TTC34: variants seen among roughly 807,000 people sequenced by gnomAD.
The protein encoded by TTC34 is tetratricopeptide repeat domain 34.
Under a neutral mutation model 40.7 loss-of-function variants are expected in TTC34, and 44 were observed. The observed-to-expected ratio is 1.08, with a 90% CI of 0.85 to 1.39. The LOEUF (loss-of-function observed/expected upper bound fraction) is 1.39, where lower values mean the gene tolerates loss of function less well. Ranked by LOEUF, TTC34 falls within the 40% of genes most tolerant of loss-of-function variation. TTC34 has a pLI of 0.00. For synonymous variants in TTC34, 422 were observed against 398.6 expected, an observed-to-expected ratio of 1.06 and a Z score of -0.70; for missense variants, 884 against 838.0, an observed-to-expected ratio of 1.05 and a Z score of -0.68.
rs571733146 is a variant in TTC34, at chr1:2,691,002, C to G, written c.2227-45439G>C. ...ACACCCCTAGGAGAGCATCCGGCAG[C>G]CTGGAGCGGAACCCACACCAACAGG... On this transcript the variant is annotated intron_variant, in intron 6 of 8. Transcript: ENST00000401095. Among the ~76,000 whole-genome samples, 3 of 80,698 alleles carry G rather than the reference C, an allele frequency of 3.7e-5. 1 individual carries two copies. 52.9% of individuals were successfully genotyped at this position (80,698 alleles called of 152,430 possible). A position where few individuals can be genotyped will look rare whatever the true frequency, so the allele number is the denominator to read the frequency against.
At chr1:2,794,633 C>T (rs192874020) in intron 2 of TTC34, among the ~76,000 whole-genome samples, 154 of 152,270 alleles carry the variant, frequency 1.0e-3, no homozygotes, top group Non-Finnish European at 2.0e-3. Flanking sequence ...GGATCTCTAG[C>T]ACAATGATGA....
At chr1:2,759,630 C>G (rs1641625952) in intron 6 of TTC34, among the ~76,000 whole-genome samples, 60 of 151,728 alleles carry the variant, frequency 4.0e-4, no homozygotes, top group African/African-American at 1.4e-3. Context: ...CCTGGAACAG[C>G]ACCCACACCC....
intron 6 of TTC34, among the ~76,000 whole-genome samples, chr1:2,677,034 G>A (rs1639931295): frequency 9.2e-6 from 1 of 109,130 alleles, no homozygotes; most frequent in Non-Finnish European, 2.1e-5. Context: ...CCGATAACCT[G>A]GAGCAGCACC....
At chr1:2,747,988 C>T (rs1641207019) in intron 6 of TTC34, among the ~76,000 whole-genome samples, 2 of 62,976 alleles carry the variant, frequency 3.2e-5, no homozygotes, top group Non-Finnish European at 5.3e-5. Context: ...CAGCCTGGAG[C>T]AGCACCCACA....
intron 6 of TTC34, among the ~76,000 whole-genome samples, chr1:2,652,571 G>T (rs576798858): frequency 0.013 from 1,961 of 149,952 alleles, no homozygotes; most frequent in South Asian, 0.04. Flanking sequence ...ACACCCCCAG[G>T]TGAGCATTGG....
intron 6 of TTC34, among the ~76,000 whole-genome samples, chr1:2,755,488 A>T (rs1641473727): frequency 1.2e-5 from 1 of 80,532 alleles, no homozygotes; most frequent in Non-Finnish European, 2.2e-5. Context: ...GACATCGTGG[A>T]GTAGCACCCC....
In TTC34 at chr1:2,796,475, A is replaced by G. The variant is rs571388917; in HGVS notation, c.784+3569T>C. Among the ~76,000 whole-genome samples the G allele has an allele frequency of 8.5e-4, 130 of 152,224 alleles. No homozygotes were observed. Among genetic ancestry groups the G allele is most frequent in the African/African-American group, 3.1e-3 (128 of 41,526 alleles). ...TTCTTAGGGCAGGTGTTCCCTGTAC[A>G]CACCAGAGCCACGGCAGACACAGAC... is the stretch of plus-strand genomic sequence containing the variant. On this transcript the variant is annotated intron_variant, in intron 2 of 8. Coordinates refer to ENST00000401095, the Ensembl canonical transcript of TTC34. This position sits in a 1 kb window ranked among gnomAD's most constrained non-coding sequence, Gnocchi z 4.5.
At chr1:2,647,343 G>A (rs888744144) in intron 6 of TTC34, among the ~76,000 whole-genome samples, 1 of 152,086 alleles carries the variant, frequency 6.6e-6, no homozygotes, top group South Asian at 2.1e-4. Context: ...GTTTTTTAGA[G>A]GCCAGGTGCA....
intron 6 of TTC34, among the ~76,000 whole-genome samples, chr1:2,696,600 T>C (rs201351771): frequency 0.14 from 907 of 6,682 alleles, no homozygotes; most frequent in Non-Finnish European, 0.16. Context: ...GCACCCACAC[T>C]CCCAGACGAG....
chr1:2,780,242 G>C (rs1331632346), intron 6 of TTC34, among the ~76,000 whole-genome samples: 6 of 152,132 alleles, frequency 3.9e-5, no homozygotes, highest in Admixed American at 3.3e-4. Flanking sequence ...CCTGTCAGTT[G>C]CCTTTTTACT....
chr1:2,778,498 G>T (rs750500736), intron 6 of TTC34, among the ~76,000 whole-genome samples: 2 of 152,226 alleles, frequency 1.3e-5, no homozygotes, highest in Non-Finnish European at 2.9e-5. Flanking sequence ...ACCCAAGAGG[G>T]TGGCCAGCAG....
chr1:2,785,471 G>A (rs1326910226), intron 5 of TTC34, among the ~76,000 whole-genome samples: 3 of 152,166 alleles, frequency 2.0e-5, no homozygotes, highest in Non-Finnish European at 4.4e-5. Flanking sequence ...TTTCTAGGAA[G>A]GGCTGAGGGG....
At chr1:2,657,359 C>A (rs550951658) in intron 6 of TTC34, among the ~76,000 whole-genome samples, 1 of 96,696 alleles carries the variant, frequency 1.0e-5, no homozygotes, top group African/African-American at 3.1e-5. Context: ...GAGCATCTGA[C>A]AACTTGGAGC....
chr1:2,673,216 G>T (rs1639764498), intron 6 of TTC34, among the ~76,000 whole-genome samples: 1 of 56,124 alleles, frequency 1.8e-5, no homozygotes, highest in Non-Finnish European at 4.0e-5. Flanking sequence ...GCATCAGACA[G>T]CCTGGAACCG....
At chr1:2,652,461 G>C (rs1379433400) in intron 6 of TTC34, among the ~76,000 whole-genome samples, 1 of 151,308 alleles carries the variant, frequency 6.6e-6, no homozygotes, top group African/African-American at 2.4e-5. Flanking sequence ...GTGAGCATCC[G>C]ACAGCCTGGA....
chr1:2,683,143 A>AAACACACC, intron 6 of TTC34, among the ~76,000 whole-genome samples: 1 of 134,680 alleles, frequency 7.4e-6, no homozygotes, highest in Non-Finnish European at 1.6e-5. Flanking sequence ...CTGGAACAGC[A>AAACACACC]CGCACAGCCC....
chr1:2,756,010 A>C (rs1169287184), intron 6 of TTC34, among the ~76,000 whole-genome samples: 1 of 50,220 alleles, frequency 2.0e-5, no homozygotes, highest in Non-Finnish European at 3.3e-5. Flanking sequence ...TGACACCCTG[A>C]AACAGCACAC....
At chr1:2,693,827 CCA>C (rs1640737346) in intron 6 of TTC34, among the ~76,000 whole-genome samples, 1 of 82,696 alleles carries the variant, frequency 1.2e-5, no homozygotes, top group Non-Finnish European at 2.5e-5. Flanking sequence ...GCACCCACAC[CCA>C]CAGGTGAGCA....
intron 8 of TTC34, among the ~76,000 whole-genome samples, chr1:2,642,695 T>C (rs1372605703): frequency 6.6e-6 from 1 of 152,240 alleles, no homozygotes; most frequent in Admixed American, 6.5e-5. Context: ...CCCGCCTTTC[T>C]CGCTGGCGCT....
Sources: allele counts gnomAD v4.1 joint callset (sites outside exome capture counted in the v4.1 genomes callset), GRCh38; gene constraint gnomAD v4.1.1; non-coding constraint Gnocchi (gnomAD v3.1); transcripts MANE v1.5; gene names NCBI Gene and HGNC (gene_info 2026-07-23, HGNC 2026-07-21).